Variants in FAM117A observed in about 807,000 individuals in gnomAD.
FAM117A encodes the protein protein FAM117A.
FAM117A carries 21 observed loss-of-function variants against 44.1 expected under a neutral mutation model. The observed-to-expected ratio is 0.48, with a 90% CI of 0.34 to 0.69. The LOEUF is 0.69. Among genes scored for constraint, FAM117A ranks in the 30% least tolerant of loss-of-function variants. The probability of loss-of-function intolerance (pLI) is 0.01; values close to 1 mark genes in which losing one functional copy is unlikely to be tolerated. For synonymous variants in FAM117A, 220 were observed against 238.3 expected (o/e 0.92, Z 0.71); for missense variants, 498 against 589.9 (o/e 0.84, Z 1.61).
intron 7 of FAM117A, among the ~76,000 whole-genome samples, chr17:49,712,649 T>C (rs1183380503): frequency 6.6e-6 from 1 of 152,098 alleles, no homozygotes; most frequent in African/African-American, 2.4e-5. Context: ...TAGCTGGGAC[T>C]ACAGGCATGA....
chr17:49,755,749 T>C (rs1310810078), intron 1 of FAM117A, among the ~76,000 whole-genome samples: 2 of 152,074 alleles, frequency 1.3e-5, no homozygotes, highest in Non-Finnish European at 2.9e-5. Context: ...TGTAAGTAGC[T>C]GAAGAGAGGT....
intron 1 of FAM117A, among the ~76,000 whole-genome samples, chr17:49,734,649 G>T (rs775542708): frequency 2.0e-5 from 3 of 151,682 alleles, no homozygotes; most frequent in Admixed American, 6.6e-5. Flanking sequence ...TAAAAGGTTG[G>T]CAGTTCCTCA....
At chr17:49,749,531 C>T (rs894867548) in intron 1 of FAM117A, among the ~76,000 whole-genome samples, 6 of 126,902 alleles carry the variant, frequency 4.7e-5, no homozygotes, top group Admixed American at 1.6e-4. Flanking sequence ...GAGCCGAGAT[C>T]GCGCCACTGT....
chr17:49,754,398 G>A (rs904578344), intron 1 of FAM117A, among the ~76,000 whole-genome samples: 2 of 151,774 alleles, frequency 1.3e-5, no homozygotes, highest in Non-Finnish European at 2.9e-5. Flanking sequence ...TCTGTCTCCC[G>A]GGTTCACACC....
chr17:49,764,259 TC>T (rs1008673692), upstream of FAM117A: 5 of 378,788 alleles, frequency 1.3e-5, no homozygotes, highest in African/African-American at 2.1e-5. Context: ...AGCTTAGCCT[TC>T]CCTTTCCTGA....
chr17:49,752,039 TGAGCCCAG>T (rs1232739418), intron 1 of FAM117A, among the ~76,000 whole-genome samples: 2 of 151,766 alleles, frequency 1.3e-5, no homozygotes, highest in African/African-American at 4.8e-5. Context: ...GAGGATCACT[TGAGCCCAG>T]GAGTTTGAGA....
chr17:49,717,730 G>C lies in FAM117A; in HGVS notation c.709-16C>G, dbSNP rs369414429. On this transcript the variant is annotated splice_polypyrimidine_tract_variant and intron_variant, in intron 5 of 7. Coordinates refer to ENST00000240364, the MANE Select transcript of FAM117A (RefSeq NM_030802.4). Reference sequence around the variant, plus strand: ...TATCAAGGATCTAACGGGGAAGGACGGTAAAGACTGTCAGCCCTGAGTATT... The same window carrying C: ...TATCAAGGATCTAACGGGGAAGGACCGTAAAGACTGTCAGCCCTGAGTATT... 1.3e-6 allele frequency: 2 copies of C among 1,577,364 alleles called. No homozygotes were observed. The highest frequency in any genetic ancestry group is 8.6e-7 in the Non-Finnish European group (1 of 1,158,826).
upstream of FAM117A, chr17:49,765,539 C>T (rs1228828656): frequency 6.6e-6 from 1 of 152,130 alleles, no homozygotes; most frequent in African/African-American, 2.4e-5. Flanking sequence ...TTAAAATTAG[C>T]CTACATACAC....
upstream of FAM117A, among the ~76,000 whole-genome samples, chr17:49,768,699 T>C (rs1372030044): frequency 7.9e-5 from 12 of 152,036 alleles, no homozygotes; most frequent in Admixed American, 7.9e-4. Flanking sequence ...GTTGAGGGAA[T>C]GAATGAGGTT....
At chr17:49,762,231 C>G (rs1435708309) in intron 1 of FAM117A, among the ~76,000 whole-genome samples, 1 of 152,180 alleles carries the variant, frequency 6.6e-6, no homozygotes, top group Non-Finnish European at 1.5e-5. Context: ...GGTAGGCTTT[C>G]TGTTGTTTTC....
chr17:49,723,242 T>A (rs2073543705), intron 2 of FAM117A, among the ~76,000 whole-genome samples: 1 of 152,176 alleles, frequency 6.6e-6, no homozygotes, highest in Non-Finnish European at 1.5e-5. Flanking sequence ...GCCACAGTTC[T>A]GAATCCAGCC....
chr17:49,722,654 G>T, intron 2 of FAM117A, 60 bp from the exon 3 acceptor site: 1 of 1,397,614 alleles, frequency 7.2e-7, no homozygotes, highest in Non-Finnish European at 1.0e-6. Flanking sequence ...TGGGGAACAG[G>T]CACACTGTTT....
In FAM117A at chr17:49,771,074, G is replaced by T. The variant is rs1026692233; in HGVS notation, c.-621+17423C>A. Among the ~76,000 whole-genome samples, 8 of 152,126 alleles carry T rather than the reference G, an allele frequency of 5.3e-5. 1 individual carries two copies. Among genetic ancestry groups the T allele is most frequent in the African/African-American group, 1.7e-4 (7 of 41,494 alleles). On this transcript the variant is annotated intron_variant, in intron 1 of 7. Coordinates refer to the FAM117A transcript ENST00000513602. ...AATACAAAAATTAGCTGGGTGTGGT[G>T]GCAGGTGCCTGTAATCCCAGCTACT...
At chr17:49,759,309 A>G (rs1462541797) in intron 1 of FAM117A, among the ~76,000 whole-genome samples, 1 of 152,204 alleles carries the variant, frequency 6.6e-6, no homozygotes, top group Non-Finnish European at 1.5e-5. Flanking sequence ...CTAGTCCCCA[A>G]ATTCAAGGAT....
At chr17:49,722,151 G>A (rs1263870476) in intron 3 of FAM117A, among the ~76,000 whole-genome samples, 2 of 152,122 alleles carry the variant, frequency 1.3e-5, no homozygotes, top group Non-Finnish European at 2.9e-5. Flanking sequence ...AAATGAGGCT[G>A]GGAGCTCCTA....
intron 2 of FAM117A, among the ~76,000 whole-genome samples, chr17:49,726,162 C>T (rs1309509713): frequency 6.6e-6 from 1 of 152,136 alleles, no homozygotes; most frequent in Non-Finnish European, 1.5e-5. Context: ...CCTCAGAAAC[C>T]TAATGCAGTA....
intron 3 of FAM117A, among the ~76,000 whole-genome samples, chr17:49,720,750 C>T (rs28670328): frequency 0.074 from 11,243 of 151,784 alleles, 502 homozygotes; most frequent in Middle Eastern, 0.095. Context: ...GACTGAGTCT[C>T]GCTCTCTCAC....
At chr17:49,784,224 C>T (rs1464336932) in intron 1 of FAM117A, among the ~76,000 whole-genome samples, 2 of 152,196 alleles carry the variant, frequency 1.3e-5, no homozygotes, top group Non-Finnish European at 2.9e-5. Flanking sequence ...GAGACTGATA[C>T]AAGTAAGGAA....
intron 7 of FAM117A, among the ~76,000 whole-genome samples, chr17:49,713,044 TTTATTA>T (rs1222010156): frequency 6.6e-6 from 1 of 151,892 alleles, no homozygotes; most frequent in Non-Finnish European, 1.5e-5. Context: ...CTAGGCTAAT[TTTATTA>T]TTATTATTAT....
Sources: allele counts gnomAD v4.1 joint callset (sites outside exome capture counted in the v4.1 genomes callset), GRCh38; gene constraint gnomAD v4.1.1; transcripts MANE v1.5; gene names NCBI Gene and HGNC (gene_info 2026-07-23, HGNC 2026-07-21).